The following TET3 variants were observed in gnomAD, a reference collection of about 807,000 sequenced individuals.
TET3 encodes tet methylcytosine dioxygenase 3.
In TET3, 19 loss-of-function variants were observed where a neutral mutation model predicts 141.4. That is an observed-to-expected ratio of 0.13 (90% confidence interval 0.09 to 0.20). TET3 has a LOEUF of 0.20. Among genes scored for constraint, TET3 ranks in the 10% least tolerant of loss-of-function variants. TET3 has a pLI of 1.00. For missense variants in TET3, 1,874 were observed against 2,356.9 expected (o/e 0.80, Z 4.24); for synonymous variants, 1,043 against 980.9 (o/e 1.06, Z -1.18).
chr2:74,060,204 A>G (rs749945619), intron 4 of TET3, among the ~76,000 whole-genome samples: 1 of 152,134 alleles, frequency 6.6e-6, no homozygotes, highest in Non-Finnish European at 1.5e-5. Flanking sequence ...ATAGTATCTC[A>G]CTGTGGGTTT....
rs764662691 is a variant in TET3, at chr2:74,046,973, C to T, written c.1056C>T (p.Ile352=). Residue 352 remains isoleucine (I), a synonymous_variant, in exon 4 of 12, where the codon ATC becomes ATT. Transcript: ENST00000409262. This position sits in a 1 kb window ranked among gnomAD's most constrained non-coding sequence, Gnocchi z 4.3. ...SALSIAKEKN[I]SLQTAIAIEA... The stretch of plus-strand genomic sequence containing the variant: ...TGAGCATTGCCAAGGAAAAAAACAT[C>T]AGCTTGCAGACCGCCATTGCCATTG... 12 of 1,613,874 alleles carry T rather than the reference C, an allele frequency of 7.4e-6. No homozygotes were observed. Among genetic ancestry groups the T allele is most frequent in the Non-Finnish European group, 1.0e-5 (12 of 1,179,876 alleles).
intron 2 of TET3, among the ~76,000 whole-genome samples, chr2:73,989,508 C>T (rs1484947045): frequency 2.0e-5 from 3 of 152,000 alleles, no homozygotes; most frequent in Non-Finnish European, 4.4e-5. Flanking sequence ...ATCTTCTTTC[C>T]CTGCTCCTCA....
intron 2 of TET3, among the ~76,000 whole-genome samples, chr2:73,997,041 C>CGAG (rs763410612): frequency 3.4e-4 from 51 of 152,186 alleles, no homozygotes; most frequent in Admixed American, 2.2e-3. Context: ...CCACACCTAA[C>CGAG]GAGGGTGTTA....
At chr2:74,024,287 T>C (rs1462138421) in intron 3 of TET3, among the ~76,000 whole-genome samples, 2 of 152,196 alleles carry the variant, frequency 1.3e-5, no homozygotes, top group African/African-American at 2.4e-5. Context: ...ATGCTCATGG[T>C]TGGAACTTGT....
chr2:74,117,330 G>C, the TET3 span, among the ~76,000 whole-genome samples: 38 of 152,214 alleles, frequency 2.5e-4, no homozygotes, highest in African/African-American at 8.7e-4. Context: ...ACCTGCTTCA[G>C]CCTCCCAAAG....
chr2:74,000,537 G>C (rs2105129120), intron 2 of TET3, among the ~76,000 whole-genome samples: 1 of 152,236 alleles, frequency 6.6e-6, no homozygotes, highest in African/African-American at 2.4e-5. Context: ...GCCAGGTCGG[G>C]GGAGGTGCGG....
rs531914797 is a variant in TET3, at chr2:74,004,967, G to C, written c.360+1801G>C. Among the ~76,000 whole-genome samples the C allele has an allele frequency of 2.9e-4, 44 of 152,296 alleles. 1 individual carries two copies. The South Asian group carries it at 8.5e-3, about 29-fold the overall frequency. ...GATGAGGACAGATGGACTCAGGGAG[G>C]GGGCAGGCCCCTCTCTCCTCTGTAT... On this transcript the variant is annotated intron_variant, in intron 3 of 11. Transcript: ENST00000409262.
intron 3 of TET3, among the ~76,000 whole-genome samples, chr2:74,027,446 C>T (rs1391065484): frequency 6.6e-6 from 1 of 151,280 alleles, no homozygotes; most frequent in Non-Finnish European, 1.5e-5. Flanking sequence ...GATTGTGCAA[C>T]CAACACCACT....
intron 3 of TET3, among the ~76,000 whole-genome samples, chr2:74,023,967 TCCTA>T (rs1411561062): frequency 2.0e-5 from 3 of 152,354 alleles, no homozygotes; most frequent in Admixed American, 1.3e-4. Context: ...ATTCAGTTTT[TCCTA>T]CCTTTCTTTG....
At chr2:74,013,119 C>G (rs577331512) in intron 3 of TET3, among the ~76,000 whole-genome samples, 1 of 152,022 alleles carries the variant, frequency 6.6e-6, no homozygotes, top group South Asian at 2.1e-4. Context: ...CTCAGCCTCC[C>G]GAGTAGCTGG....
At chr2:74,023,497 C>G (rs973102442) in intron 3 of TET3, among the ~76,000 whole-genome samples, 21 of 152,190 alleles carry the variant, frequency 1.4e-4, no homozygotes, top group African/African-American at 4.8e-4. Context: ...CCTCCCTCGG[C>G]CTCCCAAAGT....
At chr2:74,119,720 T>G in the TET3 span, among the ~76,000 whole-genome samples, 2 of 152,254 alleles carry the variant, frequency 1.3e-5, no homozygotes, top group Admixed American at 6.5e-5. Flanking sequence ...CTGGTGATTC[T>G]TGGCTGAATC....
intron 10 of TET3, 114 bp from the exon 11 acceptor site, chr2:74,099,162 G>A (rs962353869): frequency 1.1e-6 from 1 of 933,226 alleles, no homozygotes. Flanking sequence ...GTAGTGGCTG[G>A]TATTGGGATT....
chr2:74,014,550 G>A (rs1162693951), intron 3 of TET3, among the ~76,000 whole-genome samples: 1 of 152,016 alleles, frequency 6.6e-6, no homozygotes, highest in East Asian at 1.9e-4. Flanking sequence ...CAGGACCTGT[G>A]GAATTTTTTT....
chr2:74,101,006 G>C lies in TET3; in HGVS notation c.4218G>C (p.Gln1406His), dbSNP rs368079768. 4.3e-6 allele frequency: 7 copies of C among 1,612,944 alleles called. No individual in the cohort carries two copies. The African/African-American group carries it at 9.3e-5, about 22-fold the overall frequency. ...IKQEPVDPLT[Q>H]AEPVPRDAGK... The stretch of plus-strand genomic sequence containing the variant: ...AAGAGCCAGTAGACCCGCTGACCCA[G>C]GCTGAGCCTGTGCCCAGAGACGCTG... The change falls in exon 12 of 12, where the codon CAG (glutamine) becomes CAC (histidine). Residue 1406 changes from glutamine (Q) to histidine (H), a missense_variant. By Grantham distance (24) the Gln-to-His change is conservative. This residue lies in a region of TET3 where 602 missense variants were observed against 590.2 expected (regional missense o/e 1.02). Transcript: ENST00000409262. The surrounding 1 kb of genome is among the most constrained non-coding windows in gnomAD (Gnocchi z 8.5).
At chr2:74,061,199 C>A (rs1688516607) in intron 4 of TET3, among the ~76,000 whole-genome samples, 1 of 143,644 alleles carries the variant, frequency 7.0e-6, no homozygotes, top group Non-Finnish European at 1.5e-5. Context: ...GGGGGCTGAC[C>A]CCCCCACCTC....
chr2:74,002,618 C>T (rs1306840003), intron 2 of TET3: 12 of 351,808 alleles, frequency 3.4e-5, no homozygotes, highest in Non-Finnish European at 6.1e-5. Flanking sequence ...CAGGCGGGGG[C>T]AGGGCCGGCC....
At chr2:74,132,043 C>T in the TET3 span, among the ~76,000 whole-genome samples, 3 of 152,202 alleles carry the variant, frequency 2.0e-5, no homozygotes, top group East Asian at 1.9e-4. Context: ...TTCTGGTGTC[C>T]GGAGGTTCCT....
chr2:74,029,752 C>T (rs1325432688), intron 3 of TET3, among the ~76,000 whole-genome samples: 2 of 152,202 alleles, frequency 1.3e-5, no homozygotes, highest in Non-Finnish European at 2.9e-5. Flanking sequence ...TTATTCTATG[C>T]CTATGACCTC....
Sources: allele counts gnomAD v4.1 joint callset (sites outside exome capture counted in the v4.1 genomes callset), GRCh38; gene constraint gnomAD v4.1.1; regional missense constraint gnomAD v4.1.1; non-coding constraint Gnocchi (gnomAD v3.1); transcripts MANE v1.5; gene names NCBI Gene and HGNC (gene_info 2026-07-23, HGNC 2026-07-21).